VPS37A: variants seen among roughly 807,000 people sequenced by gnomAD.
VPS37A encodes VPS37A subunit of ESCRT-I.
VPS37A carries 30 observed loss-of-function variants against 49.8 expected under a neutral mutation model. The ratio of observed to expected loss-of-function variants is 0.60; its 90% confidence interval spans 0.45 to 0.82. VPS37A has a LOEUF of 0.82. Ranked by LOEUF, VPS37A falls within the 40% of genes least tolerant of loss-of-function variation. The pLI is 0.00. For missense variants in VPS37A, 593 were observed against 464.4 expected (o/e 1.28, Z -2.55); for synonymous variants, 195 against 160.6 (o/e 1.21, Z -1.62).
intron 1 of VPS37A, 27 bp downstream of exon 1, chr8:17,247,396 AG>A: frequency 6.4e-6 from 4 of 621,194 alleles, no homozygotes; most frequent in South Asian, 1.6e-5. Flanking sequence ...TCTCCACCGG[AG>A]GAAAAAGTAG....
rs777372102 is a variant in VPS37A, at chr8:17,284,630, G to A, written c.1113+14G>A. On this transcript the variant is annotated intron_variant, in intron 10 of 11. Coordinates refer to ENST00000324849, the MANE Select transcript of VPS37A (RefSeq NM_152415.3). ...GAAAAGAGAACAGTATGTAATACTC[G>A]TCAGTTGAGGACAAGTATTGGATAA... 47 of 1,580,278 alleles carry A rather than the reference G, an allele frequency of 3.0e-5. No individual in the cohort carries two copies. Among genetic ancestry groups the A allele is most frequent in the Non-Finnish European group, 3.9e-5 (45 of 1,168,570 alleles).
chr8:17,303,298 T>G (rs1817246798), downstream of VPS37A, among the ~76,000 whole-genome samples: 1 of 152,150 alleles, frequency 6.6e-6, no homozygotes, highest in Admixed American at 6.6e-5. Flanking sequence ...GGCTTTTGTT[T>G]AGTATGATAG....
At chr8:17,272,768 G>A (rs544412294) in intron 4 of VPS37A, among the ~76,000 whole-genome samples, 5 of 152,196 alleles carry the variant, frequency 3.3e-5, no homozygotes, top group African/African-American at 1.2e-4. Context: ...AAGCTGATTA[G>A]AAAACTTAAT....
chr8:17,257,755 C>T (rs1466163073), intron 1 of VPS37A, among the ~76,000 whole-genome samples: 2 of 152,152 alleles, frequency 1.3e-5, no homozygotes, highest in Non-Finnish European at 2.9e-5. Context: ...GTATTTATTC[C>T]TCCAGCCACA....
chr8:17,249,125 C>T (rs970077310), intron 1 of VPS37A, among the ~76,000 whole-genome samples: 1 of 152,092 alleles, frequency 6.6e-6, no homozygotes, highest in African/African-American at 2.4e-5. Flanking sequence ...TAAATATTTT[C>T]AATGCTGACT....
chr8:17,290,293 T>G (rs1816018114), intron 11 of VPS37A, among the ~76,000 whole-genome samples: 2 of 152,220 alleles, frequency 1.3e-5, no homozygotes, highest in South Asian at 4.1e-4. Flanking sequence ...CTTTTGCCCA[T>G]TCAGTATGAC....
chr8:17,267,048 G>A (rs1018837196), intron 2 of VPS37A, among the ~76,000 whole-genome samples: 14 of 152,140 alleles, frequency 9.2e-5, no homozygotes, highest in African/African-American at 2.7e-4. Flanking sequence ...TGGAATTACA[G>A]GCGTATGTGA....
At chr8:17,247,518 A>T in intron 1 of VPS37A, 149 bp downstream of exon 1, 2 of 1,090,436 alleles carry the variant, frequency 1.8e-6, no homozygotes, top group Non-Finnish European at 2.6e-6. Flanking sequence ...TTGCTCTGCC[A>T]CTCCTGCCCC....
chr8:17,323,718 T>G, the VPS37A span, among the ~76,000 whole-genome samples: 4 of 152,148 alleles, frequency 2.6e-5, no homozygotes, highest in Non-Finnish European at 4.4e-5. Context: ...CTATGAACTT[T>G]GAGACTGTAT....
the VPS37A span, among the ~76,000 whole-genome samples, chr8:17,328,750 T>G: frequency 6.6e-6 from 1 of 152,208 alleles, no homozygotes; most frequent in Non-Finnish European, 1.5e-5. Context: ...GGTATCCTCT[T>G]ATTACTTGAG....
chr8:17,309,459 C>G, the VPS37A span: 1 of 682,974 alleles, frequency 1.5e-6, no homozygotes, highest in Non-Finnish European at 2.6e-6. Flanking sequence ...AATGCATGAA[C>G]AGGCATTATC....
the VPS37A span, among the ~76,000 whole-genome samples, chr8:17,317,931 C>T: frequency 7.2e-5 from 11 of 152,154 alleles, no homozygotes; most frequent in Admixed American, 3.3e-4. Flanking sequence ...ACTTCATTCT[C>T]ATTTCAGTGG....
chr8:17,311,787 A>G, the VPS37A span: 7 of 1,250,484 alleles, frequency 5.6e-6, no homozygotes, highest in East Asian at 1.6e-4. Context: ...CCCCCTAATT[A>G]GGGCAGAGCC....
At chr8:17,298,865 T>A (rs1328924451), downstream of VPS37A, 1 of 152,274 alleles carries the variant, frequency 6.6e-6, no homozygotes, top group East Asian at 1.9e-4. Context: ...CATGAGATGT[T>A]ACTAAGGTTA....
intron 1 of VPS37A, among the ~76,000 whole-genome samples, chr8:17,254,554 C>T (rs1396107314): frequency 2.0e-5 from 3 of 152,126 alleles, no homozygotes; most frequent in African/African-American, 4.8e-5. Context: ...GCTTAGAGGA[C>T]CTTCAAACTG....
At chr8:17,291,102 C>A (rs1365455337) in intron 11 of VPS37A, among the ~76,000 whole-genome samples, 1 of 152,158 alleles carries the variant, frequency 6.6e-6, no homozygotes, top group Non-Finnish European at 1.5e-5. Flanking sequence ...CAGCCTCCGC[C>A]TCCCAGGTTT....
At chr8:17,329,206 C>G in the VPS37A span, among the ~76,000 whole-genome samples, 1 of 152,270 alleles carries the variant, frequency 6.6e-6, no homozygotes, top group East Asian at 1.9e-4. Context: ...CCAAGGATAG[C>G]TGTTTGAAGG....
At chr8:17,301,756 T>C (rs1586128816), downstream of VPS37A, 1 of 203,258 alleles carries the variant, frequency 4.9e-6, no homozygotes, top group Non-Finnish European at 9.8e-6. Flanking sequence ...CCTTTACCAA[T>C]TATAGATTAA....
intron 1 of VPS37A, among the ~76,000 whole-genome samples, chr8:17,249,586 A>C (rs1002356704): frequency 6.6e-6 from 1 of 152,230 alleles, no homozygotes; most frequent in Non-Finnish European, 1.5e-5. Flanking sequence ...AAAGAATGGC[A>C]CAATCCTGGA....
Sources: gnomAD v4.1 joint callset for allele counts (sites outside exome capture counted in the v4.1 genomes callset) on GRCh38, gnomAD v4.1.1 for gene constraint, MANE v1.5 for transcripts, NCBI Gene and HGNC (gene_info 2026-07-23, HGNC 2026-07-21) for gene names.